RASA3: variants seen among roughly 807,000 people sequenced by gnomAD.
The protein encoded by RASA3 is RAS p21 protein activator 3.
A neutral mutation model predicts 110.0 loss-of-function variants in RASA3; 73 were observed. The ratio of observed to expected loss-of-function variants is 0.66; its 90% CI spans 0.55 to 0.81. RASA3 has a LOEUF of 0.81. Ranked by LOEUF, RASA3 falls within the 30% of genes least tolerant of loss-of-function variation. RASA3 has a pLI of 0.00. For synonymous variants in RASA3, 500 were observed against 451.4 expected, an observed-to-expected ratio of 1.11 and a Z score of -1.37; for missense variants, 976 against 1,113.2, an observed-to-expected ratio of 0.88 and a Z score of 1.75.
At chr13:114,016,764 T>C (rs549373090) in intron 12 of RASA3, among the ~76,000 whole-genome samples, 20 of 152,304 alleles carry the variant, frequency 1.3e-4, no homozygotes, top group African/African-American at 4.6e-4. Flanking sequence ...TGTTCAATTT[T>C]CTCACATTTG....
intron 1 of RASA3, among the ~76,000 whole-genome samples, chr13:114,123,513 CCT>C (rs2080406516): frequency 6.6e-6 from 1 of 152,252 alleles, no homozygotes; most frequent in Non-Finnish European, 1.5e-5. Flanking sequence ...GAACAGCCAG[CCT>C]GGGTCTATCG....
rs1223560049 is a variant in RASA3, at chr13:114,011,507, C to T, written c.1513-259G>A. 6.6e-6 allele frequency among the ~76,000 whole-genome samples: 1 copy of T among 152,088 alleles called. No homozygotes were observed. Among genetic ancestry groups the T allele is most frequent in the African/African-American group, 2.4e-5 (1 of 41,420 alleles). On this transcript the variant is annotated intron_variant, in intron 15 of 23. Coordinates refer to ENST00000334062, the MANE Select transcript of RASA3 (RefSeq NM_007368.4). The surrounding 1 kb of genome is among the most constrained non-coding windows in gnomAD (Gnocchi z 4.8). ...CTCTCTCGGCCCAGCGTGCAGGGTGCATCTCAAAGTCGAAAGCATCAGGTG... is the reference window on the plus strand; with the variant it reads ...CTCTCTCGGCCCAGCGTGCAGGGTGTATCTCAAAGTCGAAAGCATCAGGTG...
chr13:114,077,073 T>C (rs1435603200), intron 1 of RASA3, among the ~76,000 whole-genome samples: 7 of 152,222 alleles, frequency 4.6e-5, no homozygotes, highest in Non-Finnish European at 4.4e-5. Flanking sequence ...AAAAAGCTTT[T>C]GAAAGTCCTG....
chr13:113,989,666 C>T (rs916105189), intron 22 of RASA3, among the ~76,000 whole-genome samples: 1 of 151,354 alleles, frequency 6.6e-6, no homozygotes, highest in African/African-American at 2.4e-5. Flanking sequence ...CCCATCTACC[C>T]ATCCATCCAT....
chr13:113,979,942 T>C (rs963625113), intron 23 of RASA3, among the ~76,000 whole-genome samples: 5 of 149,932 alleles, frequency 3.3e-5, no homozygotes, highest in African/African-American at 1.2e-4. Context: ...TGTGTGCATC[T>C]CCTCCCACGT....
intron 15 of RASA3, among the ~76,000 whole-genome samples, chr13:114,012,615 CCACT>C (rs1158896417): frequency 3.0e-5 from 4 of 134,844 alleles, no homozygotes; most frequent in Non-Finnish European, 6.5e-5. Flanking sequence ...CGCACACTCC[CCACT>C]CACTCCTCAT....
In RASA3 at chr13:114,096,175, A is replaced by T. The variant is rs932284512; in HGVS notation, c.56-22338T>A. Among the ~76,000 whole-genome samples the T allele has an allele frequency of 6.6e-6, 1 of 152,056 alleles. No homozygotes were observed. Among genetic ancestry groups the T allele is most frequent in the Non-Finnish European group, 1.5e-5 (1 of 67,992 alleles). On this transcript the variant is annotated intron_variant, in intron 1 of 23. Coordinates refer to ENST00000334062, the MANE Select transcript of RASA3 (RefSeq NM_007368.4). This position sits in a 1 kb window ranked among gnomAD's most constrained non-coding sequence, Gnocchi z 5.1. ...GTGTGCCGGAAAAGGGGTGCTCTCC[A>T]GGTGGCCCTGGCGGCATCGGTGTGC...
chr13:114,013,712 CCCTCT>C (rs2053705328), intron 14 of RASA3, among the ~76,000 whole-genome samples: 1 of 133,374 alleles, frequency 7.5e-6, no homozygotes, highest in Non-Finnish European at 1.6e-5. Context: ...CTCTCTCTCC[CCCTCT>C]CTCTCTCCGT....
intron 15 of RASA3, among the ~76,000 whole-genome samples, chr13:114,012,059 C>T (rs1056308521): frequency 3.9e-5 from 6 of 152,052 alleles, no homozygotes; most frequent in Admixed American, 3.3e-4. Context: ...CCAGCAACCA[C>T]ATTGGGGCCT....
intron 7 of RASA3, among the ~76,000 whole-genome samples, chr13:114,025,919 G>A (rs931375135): frequency 2.0e-5 from 3 of 152,184 alleles, no homozygotes; most frequent in Non-Finnish European, 2.9e-5. Flanking sequence ...ACAGAGTCCT[G>A]GTGAAAGAGG....
intron 15 of RASA3, among the ~76,000 whole-genome samples, chr13:114,012,526 CCACA>C (rs1288502340): frequency 2.0e-5 from 3 of 146,432 alleles, no homozygotes; most frequent in Admixed American, 1.4e-4. Context: ...CCCACGCATT[CCACA>C]CACACTCCTC....
chr13:113,979,431 G>C lies in RASA3; in HGVS notation c.2430-9C>G, dbSNP rs1242351046. 1.3e-6 allele frequency: 2 copies of C among 1,585,500 alleles called. No individual in the cohort carries two copies. The highest frequency in any genetic ancestry group is 3.3e-5 in the Admixed American group (2 of 59,982). On this transcript the variant is annotated splice_polypyrimidine_tract_variant and intron_variant, in intron 23 of 23. Transcript: ENST00000334062. ...CTCCGATGGGGTGCTCCCTGAAAAGGGGGATGGGAGAGGGAATGAGGCACA... is the reference window on the plus strand; with the variant it reads ...CTCCGATGGGGTGCTCCCTGAAAAGCGGGATGGGAGAGGGAATGAGGCACA...
intron 3 of RASA3, among the ~76,000 whole-genome samples, chr13:114,051,338 A>T (rs1333424694): frequency 2.6e-5 from 4 of 152,152 alleles, no homozygotes; most frequent in African/African-American, 9.7e-5. Context: ...TGGCTCTCCC[A>T]GCGTCACGGC....
chr13:114,087,736 ACAG>A, intron 1 of RASA3, among the ~76,000 whole-genome samples: 1 of 152,364 alleles, frequency 6.6e-6, no homozygotes, highest in South Asian at 2.1e-4. Context: ...CATTTCAGTG[ACAG>A]ATAACTTCAG....
chr13:114,019,109 G>A (rs1367260222), intron 9 of RASA3, among the ~76,000 whole-genome samples, 190 bp from the exon 10 acceptor site: 2 of 152,224 alleles, frequency 1.3e-5, no homozygotes, highest in South Asian at 2.1e-4. Flanking sequence ...GGATCCCCAG[G>A]AGGCAAGTGT....
chr13:114,052,982 C>T (rs888856025), intron 2 of RASA3, among the ~76,000 whole-genome samples: 3 of 128,500 alleles, frequency 2.3e-5, no homozygotes, highest in African/African-American at 9.4e-5. Context: ...GCTGACTGTG[C>T]GTAGAGTCCT....
At chr13:114,033,684 G>A (rs2054225993) in intron 4 of RASA3, among the ~76,000 whole-genome samples, 1 of 152,212 alleles carries the variant, frequency 6.6e-6, no homozygotes, top group African/African-American at 2.4e-5. Context: ...ACGCCCCACG[G>A]CACCCCCACA....
chr13:114,041,689 G>T (rs1054954711), intron 3 of RASA3, among the ~76,000 whole-genome samples: 11 of 152,382 alleles, frequency 7.2e-5, no homozygotes, highest in African/African-American at 2.6e-4. Flanking sequence ...TGCTTTCCGT[G>T]TGTGTGGACA....
At position 114,132,516 on chromosome 13, in the gene RASA3, C is replaced by T; in HGVS notation, c.-27G>A. ...CTGCGCGTCCGCGCCCGCCGAGCCT[C>T]GCCCCAAGCGCGCGCCGAGCCCGGG... On this transcript the variant is annotated 5_prime_UTR_variant, in exon 1 of 24. Coordinates refer to ENST00000334062, the MANE Select transcript of RASA3 (RefSeq NM_007368.4). 1 of 1,465,766 alleles carries T rather than the reference C, an allele frequency of 6.8e-7. No individual in the cohort carries two copies. Among genetic ancestry groups the T allele is most frequent in the East Asian group, 3.0e-5 (1 of 33,836 alleles). 90.8% of individuals were successfully genotyped at this position (1,465,766 alleles called of 1,614,324 possible). A position where few individuals can be genotyped will look rare whatever the true frequency, so the allele number is the denominator to read the frequency against.
Sources: gnomAD v4.1 joint callset for allele counts (sites outside exome capture counted in the v4.1 genomes callset) on GRCh38, gnomAD v4.1.1 for gene constraint, Gnocchi (gnomAD v3.1) non-coding constraint, MANE v1.5 for transcripts, NCBI Gene and HGNC (gene_info 2026-07-23, HGNC 2026-07-21) for gene names.